The following SATB1 variants were observed in gnomAD, a reference collection of about 807,000 sequenced individuals.
The protein encoded by SATB1 is SATB homeobox 1.
Under a neutral mutation model 86.9 loss-of-function variants are expected in SATB1, and 11 were observed. The observed-to-expected ratio is 0.13, with a 90% CI of 0.08 to 0.21. SATB1 has a LOEUF of 0.21. Ranked by LOEUF, SATB1 falls within the 10% of genes least tolerant of loss-of-function variation. The pLI is 1.00. For missense variants in SATB1, 551 were observed against 937.6 expected, an observed-to-expected ratio of 0.59 and a Z score of 5.39; for synonymous variants, 357 against 357.2, an observed-to-expected ratio of 1.00 and a Z score of 0.01.
rs1322814282 is a variant in SATB1, at chr3:18,347,900, C to A, written c.*1270G>T. On this transcript the variant is annotated 3_prime_UTR_variant, in exon 11 of 11. Coordinates refer to ENST00000338745, the MANE Select transcript of SATB1 (RefSeq NM_002971.6). ...TAAATGAGAGGGCCATCCTTTGACT[C>A]CTTTAGTTACTTCACATAAGCAGAC... is the stretch of plus-strand genomic sequence containing the variant. 1 of 152,412 alleles carries A rather than the reference C, an allele frequency of 6.6e-6. No individual in the cohort carries two copies. The highest frequency in any genetic ancestry group is 1.5e-5 in the Non-Finnish European group (1 of 68,012). 9.4% of individuals were successfully genotyped at this position (152,412 alleles called of 1,614,324 possible). A position where few individuals can be genotyped will look rare whatever the true frequency, so the allele number is the denominator to read the frequency against.
Position 18,389,734 on chromosome 3 carries a change from G to A in SATB1, c.1207-3123C>T, listed in dbSNP as rs74979094. ...GTCATCAGTATCAAGAATCATTGGC[G>A]CTCAATAAATTTGTTGAATTAAATT... On this transcript the variant is annotated intron_variant, in intron 7 of 10. Coordinates refer to ENST00000338745, the MANE Select transcript of SATB1 (RefSeq NM_002971.6). 2.3e-3 allele frequency among the ~76,000 whole-genome samples: 355 copies of A among 152,128 alleles called. 13 individuals carry two copies. In the East Asian group the frequency reaches 0.038, roughly 16 times the overall value.
rs756737054 is a variant in SATB1, at chr3:18,378,142, A to G, written c.1575+28T>C. Reference sequence around the variant, plus strand: ...AATTCTACAGGCAACACAGATAAACATTCTCAATGCCTAACAGAGGCTCTT... The same window carrying G: ...AATTCTACAGGCAACACAGATAAACGTTCTCAATGCCTAACAGAGGCTCTT... On this transcript the variant is annotated intron_variant, in intron 9 of 10. Coordinates refer to ENST00000338745, the MANE Select transcript of SATB1 (RefSeq NM_002971.6). The G allele has an allele frequency of 1.2e-5, 19 of 1,532,802 alleles. No homozygotes were observed. The South Asian group carries it at 2.5e-4, about 20-fold the overall frequency. 95.0% of individuals were successfully genotyped at this position (1,532,802 alleles called of 1,614,324 possible).
chr3:18,368,504 T>C (rs928977074), intron 9 of SATB1, among the ~76,000 whole-genome samples: 8 of 151,738 alleles, frequency 5.3e-5, no homozygotes, highest in Non-Finnish European at 1.0e-4. Context: ...AGAAAAAAAC[T>C]AGGAAGCAAA....
chr3:18,351,459 AG>A, intron 10 of SATB1: 1 of 1,368,566 alleles, frequency 7.3e-7, no homozygotes, highest in Non-Finnish European at 1.0e-6. Context: ...CATTCTGTAA[AG>A]TGTGGGGAGA....
At chr3:18,425,563 G>A (rs996643770), upstream of SATB1, among the ~76,000 whole-genome samples, 8 of 151,720 alleles carry the variant, frequency 5.3e-5, no homozygotes, top group African/African-American at 7.3e-5. Flanking sequence ...GAGGGAATGG[G>A]GGGAGCGCAC....
At chr3:18,384,381 A>G (rs926896531) in intron 8 of SATB1, among the ~76,000 whole-genome samples, 2 of 152,168 alleles carry the variant, frequency 1.3e-5, no homozygotes, top group Non-Finnish European at 2.9e-5. Context: ...TTGGAAAATA[A>G]ATAAAACCAG....
intron 10 of SATB1, chr3:18,351,246 G>A: frequency 7.6e-7 from 1 of 1,322,436 alleles, no homozygotes; most frequent in Non-Finnish European, 1.0e-6. Context: ...TCCTGACCTG[G>A]GGAGCAGGTC....
At chr3:18,417,530 G>T (rs1174306864) in intron 2 of SATB1, 3 of 612,850 alleles carry the variant, frequency 4.9e-6, no homozygotes, top group Non-Finnish European at 8.6e-6. Context: ...TCCTGGGTTT[G>T]TGTCCAAACA....
At chr3:18,439,556 G>A (rs1369755373), upstream of SATB1, among the ~76,000 whole-genome samples, 1 of 152,120 alleles carries the variant, frequency 6.6e-6, no homozygotes, top group Admixed American at 6.5e-5. Flanking sequence ...TTACCACTGA[G>A]AACAGCATTT....
At chr3:18,389,991 A>G (rs771673283) in intron 7 of SATB1, among the ~76,000 whole-genome samples, 5 of 152,272 alleles carry the variant, frequency 3.3e-5, no homozygotes, top group South Asian at 2.1e-4. Context: ...TTTTTCAACT[A>G]AAGAATGAAT....
Position 18,386,365 on chromosome 3 carries a change from A to G in SATB1, c.1419+34T>C, listed in dbSNP as rs1278681406. ...TCCTCAAGCATTAAAAAAAAGCTAA[A>G]CAAAGAAGGGCAAGGAGGAAAAGGA... On this transcript the variant is annotated intron_variant, in intron 8 of 10. Transcript: ENST00000338745. This position sits in a 1 kb window ranked among gnomAD's most constrained non-coding sequence, Gnocchi z 4.5. 1.6e-5 allele frequency: 24 copies of G among 1,544,922 alleles called. No individual in the cohort carries two copies. Among genetic ancestry groups the G allele is most frequent in the Non-Finnish European group, 2.0e-5 (23 of 1,126,814 alleles).
In SATB1 at chr3:18,346,865, T is replaced by G. The variant is rs1363842064; in HGVS notation, c.*2305A>C. 1.3e-5 allele frequency: 2 copies of G among 152,152 alleles called. No homozygotes were observed. The highest frequency in any genetic ancestry group is 3.9e-4 in the East Asian group (2 of 5,194). 9.4% of individuals were successfully genotyped at this position (152,152 alleles called of 1,614,324 possible). On this transcript the variant is annotated 3_prime_UTR_variant, in exon 11 of 11. Coordinates refer to ENST00000338745, the MANE Select transcript of SATB1 (RefSeq NM_002971.6). ...TTTGAGTTTCTATTTTATTTCCTAT[T>G]TTTTAAATACATGAAACCTAGTTTC... is the stretch of plus-strand genomic sequence containing the variant.
chr3:18,437,732 C>T (rs1383637338), intron 1 of SATB1, among the ~76,000 whole-genome samples: 1 of 152,054 alleles, frequency 6.6e-6, no homozygotes, highest in Non-Finnish European at 1.5e-5. Context: ...TTTTTCCTCC[C>T]ACAGTCTGGA....
chr3:18,443,567 TCCCTATG>T (rs1277046367), upstream of SATB1, among the ~76,000 whole-genome samples: 5 of 152,274 alleles, frequency 3.3e-5, no homozygotes, highest in South Asian at 4.1e-4. The surrounding 1 kb of genome is among the most constrained non-coding windows in gnomAD (Gnocchi z 4.4). Context: ...TTCAAGGAGA[TCCCTATG>T]CCCCTTTCCC....
At chr3:18,433,287 T>C (rs1233326576) in intron 2 of SATB1, among the ~76,000 whole-genome samples, 1 of 152,208 alleles carries the variant, frequency 6.6e-6, no homozygotes, top group African/African-American at 2.4e-5. Context: ...CACGCTCATA[T>C]ATGCAGAACA....
chr3:18,428,057 G>A (rs944848325), upstream of SATB1, among the ~76,000 whole-genome samples: 42 of 152,258 alleles, frequency 2.8e-4, no homozygotes, highest in Admixed American at 1.8e-3. Context: ...AAAGAAATTT[G>A]TCTTAGTCTG....
chr3:18,412,560 C>T (rs1209063058), intron 5 of SATB1, among the ~76,000 whole-genome samples: 2 of 151,986 alleles, frequency 1.3e-5, no homozygotes, highest in Non-Finnish European at 2.9e-5. Context: ...TAAAGGTTCT[C>T]TCCCATGAAT....
chr3:18,433,042 G>T (rs539456421), intron 2 of SATB1, among the ~76,000 whole-genome samples: 24 of 152,132 alleles, frequency 1.6e-4, no homozygotes, highest in Non-Finnish European at 2.6e-4. Flanking sequence ...AACATGGATT[G>T]GTAATTAGAG....
At chr3:18,429,983 T>C (rs544469118), upstream of SATB1, among the ~76,000 whole-genome samples, 9 of 152,294 alleles carry the variant, frequency 5.9e-5, no homozygotes, top group African/African-American at 1.4e-4. This position sits in a 1 kb window ranked among gnomAD's most constrained non-coding sequence, Gnocchi z 4.1. Flanking sequence ...ACAAATTGCA[T>C]TGACAGTTTT....
Sources: allele counts gnomAD v4.1 joint callset (sites outside exome capture counted in the v4.1 genomes callset), GRCh38; gene constraint gnomAD v4.1.1; non-coding constraint Gnocchi (gnomAD v3.1); transcripts MANE v1.5; gene names NCBI Gene and HGNC (gene_info 2026-07-23, HGNC 2026-07-21).